The following HMG20A variants were observed in gnomAD, a reference collection of about 807,000 sequenced individuals.
HMG20A encodes the protein high mobility group 20A.
HMG20A carries 17 observed loss-of-function variants against 43.9 expected under a neutral mutation model. The ratio of observed to expected loss-of-function variants is 0.39; its 90% CI spans 0.27 to 0.58. The LOEUF (loss-of-function observed/expected upper bound fraction) is 0.58. HMG20A is among the 20% of genes least tolerant of loss of function. HMG20A has a pLI of 0.59. For synonymous variants in HMG20A, 132 were observed against 147.5 expected (o/e 0.89, Z 0.76); for missense variants, 341 against 438.2 (o/e 0.78, Z 1.98).
chr15:77,439,867 C>A (rs373299939), intron 1 of HMG20A, among the ~76,000 whole-genome samples: 3 of 152,136 alleles, frequency 2.0e-5, no homozygotes, highest in Non-Finnish European at 2.9e-5. Flanking sequence ...ATTTCAGTTC[C>A]TCTCCATCCT....
At chr15:77,517,752 T>C in the HMG20A span, among the ~76,000 whole-genome samples, 14 of 151,726 alleles carry the variant, frequency 9.2e-5, no homozygotes, top group Non-Finnish European at 1.9e-4. Context: ...ATGGGGCAAA[T>C]GGGCACTGGG....
chr15:77,485,462 T>C lies in HMG20A; in HGVS notation c.*2499T>C, dbSNP rs2142371719. ...TTTCTGACTGATTTTAGAAAAAACT[T>C]GTGTACATGTGTTTGGAACTGTTGA... On this transcript the variant is annotated 3_prime_UTR_variant, in exon 10 of 10. Transcript: ENST00000336216. The C allele has an allele frequency of 6.5e-6, 1 of 152,778 alleles. No homozygotes were observed. The highest frequency in any genetic ancestry group is 2.1e-4 in the South Asian group (1 of 4,826). The allele number at this position is 152,778 out of a possible 1,614,324, so 9.5% of individuals were successfully genotyped here.
intron 1 of HMG20A, among the ~76,000 whole-genome samples, chr15:77,446,946 C>T (rs578247945): frequency 1.3e-5 from 2 of 152,008 alleles, no homozygotes; most frequent in Non-Finnish European, 2.9e-5. Context: ...TCACTGAAAA[C>T]ACCTTTTCAT....
intron 1 of HMG20A, among the ~76,000 whole-genome samples, chr15:77,421,948 A>G (rs887532888): frequency 1.3e-5 from 2 of 152,248 alleles, no homozygotes; most frequent in African/African-American, 4.8e-5. Flanking sequence ...AGCAAGGGTC[A>G]TGAGACTCAG....
Position 77,464,250 on chromosome 15 carries a change from C to G in HMG20A, c.100C>G (p.Pro34Ala), listed in dbSNP as rs927621947. 5.0e-6 allele frequency: 8 copies of G among 1,613,292 alleles called. No individual in the cohort carries two copies. Among genetic ancestry groups the G allele is most frequent in the African/African-American group, 1.3e-5 (1 of 74,834 alleles). ...NDLATTGLNH[P>A]EVPYSSGATS... ...CTGCCTATTATTCAGGTTAAATCAC[C>G]CAGAGGTTCCATACAGTAGTGGCGC... Residue 34 changes from proline (P) to alanine (A), a missense_variant, in exon 3 of 10, where the codon CCA becomes GCA. This residue lies in a region of HMG20A where 220 missense variants were observed against 263.6 expected (regional missense o/e 0.83). Transcript: ENST00000336216.
chr15:77,516,334 G>T, the HMG20A span, among the ~76,000 whole-genome samples: 2 of 152,210 alleles, frequency 1.3e-5, no homozygotes, highest in East Asian at 3.9e-4. Flanking sequence ...TTTGAGCCGG[G>T]TGCAGTGACT....
Position 77,471,796 on chromosome 15 carries a change from G to T in HMG20A, c.597G>T (p.Gln199His). Residue 199 changes from glutamine to histidine, a missense_variant, in exon 6 of 10, where the codon CAG (glutamine) becomes CAT (histidine). Around this residue, in one of 3 missense-constraint regions of HMG20A, gnomAD observed 220 missense variants for 263.6 expected, o/e 0.83. Coordinates refer to ENST00000336216, the MANE Select transcript of HMG20A (RefSeq NM_001304504.2). The stretch of plus-strand genomic sequence containing the variant: ...TTATATTTTTAGATGCAGCCCGGCA[G>T]GCCACTCATGATCATGAGGTAATTA... The part of the protein sequence containing the change: ...GKSHRQDAAR[Q>H]ATHDHEKETE... The T allele has an allele frequency of 2.5e-6, 4 of 1,569,556 alleles. No homozygotes were observed. The highest frequency in any genetic ancestry group is 3.5e-6 in the Non-Finnish European group (4 of 1,146,806).
intron 1 of HMG20A, among the ~76,000 whole-genome samples, chr15:77,435,025 A>G (rs1258525570): frequency 6.6e-6 from 1 of 152,190 alleles, no homozygotes; most frequent in African/African-American, 2.4e-5. Flanking sequence ...GATGATCACC[A>G]AGCATAATAT....
At position 77,484,626 on chromosome 15, in the gene HMG20A, A is replaced by T. The variant is rs1294735886; in HGVS notation, c.*1663A>T. ...TTTTTAAAATGTCTTATATGAACATATATCAAATATCCATGCGCTGAAACC... is the reference window on the plus strand; with the variant it reads ...TTTTTAAAATGTCTTATATGAACATTTATCAAATATCCATGCGCTGAAACC... On this transcript the variant is annotated 3_prime_UTR_variant, in exon 10 of 10. Transcript: ENST00000336216. The T allele has an allele frequency of 1.3e-5, 2 of 152,262 alleles. No individual in the cohort carries two copies. The highest frequency in any genetic ancestry group is 2.9e-5 in the Non-Finnish European group (2 of 68,048). The allele number at this position is 152,262 out of a possible 1,614,324, so 9.4% of individuals were successfully genotyped here. A position where few individuals can be genotyped will look rare whatever the true frequency, so the allele number is the denominator to read the frequency against.
At chr15:77,446,129 C>T (rs79189982) in intron 1 of HMG20A, among the ~76,000 whole-genome samples, 2,310 of 152,190 alleles carry the variant, frequency 0.015, 52 homozygotes, top group African/African-American at 0.051. Context: ...GTTTTCTCAG[C>T]TGGTGTTTTC....
At chr15:77,476,918 G>A (rs968353289) in intron 6 of HMG20A, among the ~76,000 whole-genome samples, 12 of 151,512 alleles carry the variant, frequency 7.9e-5, no homozygotes, top group South Asian at 2.1e-4. Flanking sequence ...TCACATAATC[G>A]TTTGCTTTCT....
At chr15:77,454,006 CA>C (rs34166489) in intron 1 of HMG20A, among the ~76,000 whole-genome samples, 155 of 107,718 alleles carry the variant, frequency 1.4e-3, no homozygotes, top group Middle Eastern at 6.0e-3. Context: ...CCTATCTCTA[CA>C]AAAAAAAAAA....
chr15:77,454,143 C>T (rs750490894), intron 1 of HMG20A, among the ~76,000 whole-genome samples: 14 of 147,612 alleles, frequency 9.5e-5, no homozygotes, highest in South Asian at 2.1e-4. Context: ...GCCTGGGTGA[C>T]GGAGCAGGAC....
At chr15:77,457,474 T>A (rs2072665640) in intron 1 of HMG20A, among the ~76,000 whole-genome samples, 1 of 152,258 alleles carries the variant, frequency 6.6e-6, no homozygotes, top group African/African-American at 2.4e-5. Flanking sequence ...TTTGTTTGAA[T>A]ATCCCTTTCA....
chr15:77,506,275 C>T, the HMG20A span, among the ~76,000 whole-genome samples: 3 of 152,050 alleles, frequency 2.0e-5, no homozygotes, highest in African/African-American at 7.2e-5. Context: ...CTGGGAAAAG[C>T]TAGAGAAGGT....
chr15:77,440,970 C>T lies in HMG20A; in HGVS notation c.-4-17434C>T, dbSNP rs140192693. On this transcript the variant is annotated intron_variant, in intron 1 of 9. Transcript: ENST00000336216. ...TGTGTGGATTAAGTGGTATCATACA[C>T]GTATAGCTCTTAAAATAGTGCCTGG... Among the ~76,000 whole-genome samples, 73 of 152,208 alleles carry T rather than the reference C, an allele frequency of 4.8e-4. 1 individual carries two copies. Among genetic ancestry groups the T allele is most frequent in the African/African-American group, 1.6e-3 (67 of 41,544 alleles).
chr15:77,433,852 T>G (rs1464275069), intron 1 of HMG20A, among the ~76,000 whole-genome samples: 1 of 152,208 alleles, frequency 6.6e-6, no homozygotes, highest in Non-Finnish European at 1.5e-5. Context: ...CCTAATAAAA[T>G]CTCAGGTGAT....
At chr15:77,435,311 G>A (rs1467963951) in intron 1 of HMG20A, among the ~76,000 whole-genome samples, 5 of 152,124 alleles carry the variant, frequency 3.3e-5, no homozygotes, top group Non-Finnish European at 7.4e-5. Flanking sequence ...TTTGGAGACA[G>A]TCTTCTCTGT....
At position 77,422,937 on chromosome 15, in the gene HMG20A, T is replaced by C. The variant is rs1201237152; in HGVS notation, c.-5+1933T>C. On this transcript the variant is annotated intron_variant, in intron 1 of 9. Coordinates refer to ENST00000336216, the MANE Select transcript of HMG20A (RefSeq NM_001304504.2). The stretch of plus-strand genomic sequence containing the variant: ...TATATTAATGTAATATAGAAGAAAA[T>C]ATAATATGGTCACCCTGACAAATGA... Among the ~76,000 whole-genome samples the C allele has an allele frequency of 2.0e-5, 3 of 152,098 alleles. No individual in the cohort carries two copies. The East Asian group carries it at 5.8e-4, about 29-fold the overall frequency.
Sources: gnomAD v4.1 joint callset for allele counts (sites outside exome capture counted in the v4.1 genomes callset) on GRCh38, gnomAD v4.1.1 for gene constraint, gnomAD v4.1.1 regional missense constraint, MANE v1.5 for transcripts, NCBI Gene and HGNC (gene_info 2026-07-23, HGNC 2026-07-21) for gene names.